The following MYO10 variants were observed in gnomAD, a reference collection of about 807,000 sequenced individuals.
MYO10 encodes unconventional myosin-X.
A neutral mutation model predicts 257.3 loss-of-function variants in MYO10; 133 were observed. The ratio of observed to expected loss-of-function variants is 0.52; its 90% CI spans 0.45 to 0.60. MYO10 has a LOEUF of 0.60. MYO10 is among the 20% of genes least tolerant of loss of function. MYO10 has a pLI of 0.00. For synonymous variants in MYO10, 1,104 were observed against 1,028.6 expected, an observed-to-expected ratio of 1.07 and a Z score of -1.40; for missense variants, 2,399 against 2,635.7, an observed-to-expected ratio of 0.91 and a Z score of 1.97.
chr5:16,928,187 T>A (rs1037502719), intron 1 of MYO10, among the ~76,000 whole-genome samples: 1 of 152,182 alleles, frequency 6.6e-6, no homozygotes, highest in Admixed American at 6.5e-5. Context: ...AAGTGCTTTA[T>A]TTTGTTTTAA....
At chr5:16,790,738 A>G (rs1234769957) in intron 4 of MYO10, among the ~76,000 whole-genome samples, 2 of 152,136 alleles carry the variant, frequency 1.3e-5, no homozygotes, top group Non-Finnish European at 2.9e-5. Flanking sequence ...GCATATCTTT[A>G]TCAACAGTGT....
At chr5:16,909,260 G>C (rs764793972) in intron 1 of MYO10, among the ~76,000 whole-genome samples, 2 of 152,068 alleles carry the variant, frequency 1.3e-5, no homozygotes, top group Non-Finnish European at 2.9e-5. Flanking sequence ...CGTAATCCCA[G>C]AACTTTGGGA....
At chr5:16,754,045 A>C (rs1740459121) in intron 19 of MYO10, among the ~76,000 whole-genome samples, 2 of 152,214 alleles carry the variant, frequency 1.3e-5, no homozygotes, top group South Asian at 4.1e-4. Context: ...TAAAAATTAC[A>C]TTACAATTAA....
rs70943817 is a variant in MYO10 at position 16,912,802 on chromosome 5, GCACACA to G, written c.21+22980_21+22985del. Among the ~76,000 whole-genome samples the G allele has an allele frequency of 4.8e-3, 537 of 111,634 alleles. 6 individuals carry two copies. Among genetic ancestry groups the G allele is most frequent in the South Asian group, 0.025 (70 of 2,756 alleles). The allele number at this position is 111,634 out of a possible 152,430, so 73.2% of individuals were successfully genotyped here. On this transcript the variant is annotated intron_variant, in intron 1 of 40. Coordinates refer to ENST00000513610, the MANE Select transcript of MYO10 (RefSeq NM_012334.3). The stretch of plus-strand genomic sequence containing the variant: ...CCAGACTTCCTTCACCTACCACCCT[GCACACA>G]CACACACACACACACACACACACAC...
Position 16,921,723 on chromosome 5 carries a change from T to A in MYO10, c.21+14065A>T, listed in dbSNP as rs1397128482. 6.6e-5 allele frequency among the ~76,000 whole-genome samples: 10 copies of A among 151,692 alleles called. No homozygotes were observed. In the East Asian group the frequency reaches 1.9e-3, roughly 29 times the overall value. ...ATCTGTGGCCTTAAGAGTATAGACA[T>A]GATACAGTTGTTCTCAACTGGGAGC... is the stretch of plus-strand genomic sequence containing the variant. On this transcript the variant is annotated intron_variant, in intron 1 of 40. Transcript: ENST00000513610.
intron 19 of MYO10, among the ~76,000 whole-genome samples, chr5:16,752,542 T>C (rs1740406137): frequency 6.6e-6 from 1 of 152,200 alleles, no homozygotes; most frequent in Non-Finnish European, 1.5e-5. Context: ...TCTCTCAGCC[T>C]CCCAAAGTGC....
At chr5:16,740,483 T>C (rs1403188932) in intron 19 of MYO10, among the ~76,000 whole-genome samples, 3 of 151,930 alleles carry the variant, frequency 2.0e-5, no homozygotes, top group Non-Finnish European at 4.4e-5. Flanking sequence ...ATTCAGTAAG[T>C]TCATCAGGAT....
chr5:16,909,769 G>GATCCCCCA (rs1312659249), intron 1 of MYO10, among the ~76,000 whole-genome samples: 1 of 152,150 alleles, frequency 6.6e-6, no homozygotes, highest in African/African-American at 2.4e-5. Context: ...CTGGTGGGAA[G>GATCCCCCA]TGTTCATGAT....
At position 16,666,369 on chromosome 5, in the gene MYO10, C is replaced by T. The variant is rs567611697; in HGVS notation, c.*323G>A. 1.5e-5 allele frequency: 4 copies of T among 264,696 alleles called. No individual in the cohort carries two copies. Among genetic ancestry groups the T allele is most frequent in the East Asian group, 7.3e-5 (1 of 13,752 alleles). 16.4% of individuals were successfully genotyped at this position (264,696 alleles called of 1,614,324 possible). A position where few individuals can be genotyped will look rare whatever the true frequency, so the allele number is the denominator to read the frequency against. ...TTCCCTTCAGTAGCACAGTTACGGT[C>T]GATTAGTGTTGGTTCCACAAGTTAA... On this transcript the variant is annotated 3_prime_UTR_variant, in exon 41 of 41. Transcript: ENST00000513610.
intron 3 of MYO10, among the ~76,000 whole-genome samples, chr5:16,812,981 C>G (rs1742488219): frequency 6.7e-6 from 1 of 149,782 alleles, no homozygotes; most frequent in African/African-American, 2.5e-5. Flanking sequence ...ATGCCAAAAG[C>G]TACAATAAAA....
chr5:16,769,084 G>A lies in MYO10; in HGVS notation c.1050C>T (p.Ser350=), dbSNP rs374825122. Reference sequence around the variant, plus strand: ...CAGGCATAATCTTACCTGTTTTGAAGGAAACCTGTGCCCCACCAGCAGTGA... The same window carrying A: ...CAGGCATAATCTTACCTGTTTTGAAAGAAACCTGTGCCCCACCAGCAGTGA... The part of the protein sequence containing the change: ...EFITAGGAQV[S]FKTALGRSAE... Residue 350 remains serine (S), a synonymous_variant, in exon 10 of 41, where the codon TCC becomes TCT. Transcript: ENST00000513610. 4.3e-5 allele frequency: 69 copies of A among 1,610,308 alleles called. No individual in the cohort carries two copies. Among genetic ancestry groups the A allele is most frequent in the Non-Finnish European group, 5.5e-5 (65 of 1,178,692 alleles).
intron 21 of MYO10, among the ~76,000 whole-genome samples, chr5:16,707,033 G>A (rs934607232): frequency 6.6e-6 from 1 of 152,198 alleles, no homozygotes; most frequent in African/African-American, 2.4e-5. Context: ...ATGGGCGCAG[G>A]TCTTTCCCAT....
rs185446996 is a variant in MYO10, at chr5:16,811,983, G to A, written c.279+6026C>T. Among the ~76,000 whole-genome samples the A allele has an allele frequency of 6.0e-3, 908 of 152,324 alleles. 30 individuals are homozygous for A. The highest frequency in any genetic ancestry group is 0.056 in the Admixed American group (855 of 15,304). ...ATACCCTGCTCCTCCTCTCCTTAGC[G>A]GGTATTTGCCCTTGCCAGGTCTTAG... On this transcript the variant is annotated intron_variant, in intron 3 of 40. Transcript: ENST00000513610.
intron 19 of MYO10, among the ~76,000 whole-genome samples, chr5:16,732,599 A>T (rs952034863): frequency 9.2e-5 from 14 of 152,232 alleles, no homozygotes; most frequent in Non-Finnish European, 1.5e-5. Flanking sequence ...GTTGCCAAGG[A>T]GGCCCAAATC....
At chr5:16,675,297 A>C (rs1157127060) in intron 34 of MYO10, 147 bp from the exon 35 acceptor site, 7 of 786,292 alleles carry the variant, frequency 8.9e-6, no homozygotes. Context: ...AATCAGTTGA[A>C]CACAGATCTA....
intron 21 of MYO10, among the ~76,000 whole-genome samples, chr5:16,705,630 T>C (rs376149544): frequency 6.6e-6 from 1 of 152,232 alleles, no homozygotes; most frequent in African/African-American, 2.4e-5. Context: ...CGCAATTTTT[T>C]ACTTTACGCT....
intron 3 of MYO10, among the ~76,000 whole-genome samples, chr5:16,806,503 C>T (rs1223010791): frequency 2.6e-5 from 4 of 151,844 alleles, no homozygotes; most frequent in Non-Finnish European, 2.9e-5. Context: ...ATTAGCTGGG[C>T]GTGGTGGCGG....
At chr5:16,685,920 G>T in intron 28 of MYO10, 89 bp from the exon 29 acceptor site, 2 of 965,932 alleles carry the variant, frequency 2.1e-6, no homozygotes, top group Non-Finnish European at 3.2e-6. Flanking sequence ...CTGTGAAAAT[G>T]ACATCTCTAA....
chr5:16,838,664 A>T (rs1193051264), intron 2 of MYO10, among the ~76,000 whole-genome samples: 1 of 152,228 alleles, frequency 6.6e-6, no homozygotes, highest in Non-Finnish European at 1.5e-5. Flanking sequence ...TTCAGTGTGG[A>T]CAAAACAGCC....
Sources: allele counts gnomAD v4.1 joint callset (sites outside exome capture counted in the v4.1 genomes callset), GRCh38; gene constraint gnomAD v4.1.1; transcripts MANE v1.5; gene names NCBI Gene and HGNC (gene_info 2026-07-23, HGNC 2026-07-21).